Variants in SYNE2 observed in about 807,000 individuals in gnomAD.
SYNE2 encodes the protein spectrin repeat containing nuclear envelope protein 2, also known as nesprin-2.
SYNE2 carries 431 observed loss-of-function variants against 856.3 expected under a neutral mutation model. The ratio of observed to expected loss-of-function variants is 0.50; its 90% CI spans 0.47 to 0.55. The LOEUF is 0.55. Among genes scored for constraint, SYNE2 ranks in the 20% least tolerant of loss-of-function variants. The pLI is 0.00. For synonymous variants in SYNE2, 2,923 were observed against 2,872.3 expected (o/e 1.02, Z -0.56); for missense variants, 8,129 against 8,023.2 (o/e 1.01, Z -0.50).
chr14:63,991,342 C>A (rs908483811), intron 21 of SYNE2, among the ~76,000 whole-genome samples: 1 of 151,984 alleles, frequency 6.6e-6, no homozygotes, highest in Non-Finnish European at 1.5e-5. Context: ...CTCAGTGATA[C>A]GGTGTAAAGA....
chr14:64,115,632 G>A (rs10151446), intron 66 of SYNE2, among the ~76,000 whole-genome samples: 17,254 of 152,168 alleles, frequency 0.11, 1,426 homozygotes, highest in African/African-American at 0.23. Context: ...ATTTAAAGCC[G>A]TCAAATGTGT....
intron 1 of SYNE2, among the ~76,000 whole-genome samples, chr14:63,844,973 A>G (rs1037617501): frequency 3.9e-5 from 6 of 152,194 alleles, no homozygotes; most frequent in Admixed American, 1.3e-4. Context: ...AATTTAGAAT[A>G]ATTCCTCATG....
At position 64,161,974 on chromosome 14, in the gene SYNE2, C is replaced by T. The variant is rs146278440; in HGVS notation, c.16095-98C>T. ...CATTTAACAGTGTCTTCTTAATGATCCATCTGCTAGTAACTTACCAGTAGA... is the reference window on the plus strand; with the variant it reads ...CATTTAACAGTGTCTTCTTAATGATTCATCTGCTAGTAACTTACCAGTAGA... On this transcript the variant is annotated intron_variant, in intron 87 of 115. Coordinates refer to ENST00000555002, the MANE Select transcript of SYNE2 (RefSeq NM_182914.3). 8.1e-3 allele frequency: 10,505 copies of T among 1,289,248 alleles called. 101 individuals are homozygous for T. The highest frequency in any genetic ancestry group is 7.8e-3 in the Non-Finnish European group (6,993 of 900,430). 79.9% of individuals were successfully genotyped at this position (1,289,248 alleles called of 1,614,324 possible). A position where few individuals can be genotyped will look rare whatever the true frequency, so the allele number is the denominator to read the frequency against.
chr14:63,816,578 T>A (rs1889003837), intron 1 of SYNE2, among the ~76,000 whole-genome samples: 5 of 151,968 alleles, frequency 3.3e-5, no homozygotes, highest in Admixed American at 3.3e-4. Flanking sequence ...TTTTCTGACC[T>A]CCCCCTAAAG....
chr14:64,201,581 G>A (rs1482354715), intron 99 of SYNE2, among the ~76,000 whole-genome samples: 2 of 152,164 alleles, frequency 1.3e-5, no homozygotes, highest in Non-Finnish European at 2.9e-5. Flanking sequence ...GTAGGGCAGG[G>A]ACTATTGAAG....
At chr14:64,224,403 C>A in intron 113 of SYNE2, 58 bp from the exon 114 acceptor site, 1 of 1,287,966 alleles carries the variant, frequency 7.8e-7, no homozygotes, top group Non-Finnish European at 1.1e-6. Context: ...TGAGCTATAT[C>A]ATGAAGAATA....
At chr14:63,842,915 G>A (rs1453721792) in intron 1 of SYNE2, among the ~76,000 whole-genome samples, 4 of 152,114 alleles carry the variant, frequency 2.6e-5, no homozygotes, top group Admixed American at 1.3e-4. Flanking sequence ...TTTCTGTTAC[G>A]TTTACTCTTA....
At chr14:64,058,010 G>T (rs915492122) in intron 49 of SYNE2, among the ~76,000 whole-genome samples, 2 of 152,148 alleles carry the variant, frequency 1.3e-5, no homozygotes, top group African/African-American at 4.8e-5. Context: ...ATACATTCTG[G>T]TTATTAATCC....
intron 1 of SYNE2, among the ~76,000 whole-genome samples, chr14:63,871,468 A>G (rs762019716): frequency 9.9e-5 from 15 of 152,014 alleles, no homozygotes; most frequent in Non-Finnish European, 1.9e-4. Flanking sequence ...TCAGCCTCCC[A>G]AAGTGCTGGG....
chr14:64,124,377 ATTTTT>A (rs372149959), intron 70 of SYNE2, among the ~76,000 whole-genome samples: 1 of 130,100 alleles, frequency 7.7e-6, no homozygotes. Context: ...TTTTTGTATA[ATTTTT>A]TTTTTTTTTT....
intron 1 of SYNE2, among the ~76,000 whole-genome samples, chr14:63,898,975 C>T (rs1428932629): frequency 6.6e-6 from 1 of 152,124 alleles, no homozygotes; most frequent in South Asian, 2.1e-4. Context: ...GAACTCTTTT[C>T]ATTTTGTGAA....
At position 63,967,898 on chromosome 14, in the gene SYNE2, C is replaced by T. The variant is rs570522489; in HGVS notation, c.1128+52C>T. On this transcript the variant is annotated intron_variant, in intron 11 of 115. Transcript: ENST00000555002. ...TATTTTCAGGCCAAAAGCAGTGGCT[C>T]ACACCTGTAATCCCAGCACTTTGGG... 5.0e-6 allele frequency: 8 copies of T among 1,593,998 alleles called. No individual in the cohort carries two copies. In the East Asian group the frequency reaches 1.8e-4, roughly 36 times the overall value.
chr14:64,105,835 G>A (rs999751523), intron 64 of SYNE2, among the ~76,000 whole-genome samples: 3 of 152,104 alleles, frequency 2.0e-5, no homozygotes, highest in Admixed American at 6.5e-5. Context: ...TGAGGTGGGC[G>A]GACAGCTTGA....
intron 1 of SYNE2, among the ~76,000 whole-genome samples, chr14:63,778,328 T>C (rs1595100917): frequency 6.6e-6 from 1 of 152,018 alleles, no homozygotes; most frequent in South Asian, 2.1e-4. Flanking sequence ...CGTGAGTCAA[T>C]TAAACCTCTT....
chr14:63,783,880 A>G (rs1215499744), intron 1 of SYNE2, among the ~76,000 whole-genome samples: 1 of 152,220 alleles, frequency 6.6e-6, no homozygotes, highest in African/African-American at 2.4e-5. Context: ...CAGGGACTGT[A>G]GATTCAATAG....
chr14:63,895,612 T>A (rs1476605033), intron 1 of SYNE2, among the ~76,000 whole-genome samples: 11 of 139,846 alleles, frequency 7.9e-5, no homozygotes, highest in Admixed American at 1.4e-4. Flanking sequence ...AAAAAAAAAA[T>A]TCAGAAATTA....
At chr14:63,960,888 AAAAAT>A (rs1284525331) in intron 8 of SYNE2, 16 of 601,072 alleles carry the variant, frequency 2.7e-5, no homozygotes, top group Non-Finnish European at 4.5e-5. Context: ...AAAAAAAATA[AAAAAT>A]AAGATAAATA....
intron 1 of SYNE2, among the ~76,000 whole-genome samples, chr14:63,876,510 C>T (rs1476181484): frequency 7.5e-6 from 1 of 132,598 alleles, no homozygotes; most frequent in Non-Finnish European, 1.6e-5. Context: ...TTTTTTGAGA[C>T]CGAGTCTCGC....
At chr14:64,035,876 T>G (rs184143663) in intron 45 of SYNE2, among the ~76,000 whole-genome samples, 1 of 151,588 alleles carries the variant, frequency 6.6e-6, no homozygotes, top group Admixed American at 6.6e-5. Flanking sequence ...GTATTTTTTT[T>G]TTTTTTTTGT....
Sources: gnomAD v4.1 joint callset for allele counts (sites outside exome capture counted in the v4.1 genomes callset) on GRCh38, gnomAD v4.1.1 for gene constraint, MANE v1.5 for transcripts, NCBI Gene and HGNC (gene_info 2026-07-23, HGNC 2026-07-21) for gene names.